Variants in GFRA1 observed in about 807,000 individuals in gnomAD.
GFRA1 encodes GDNF family receptor alpha-1.
Under a neutral mutation model 51.6 loss-of-function variants are expected in GFRA1, and 16 were observed. That is an observed-to-expected ratio of 0.31 (90% CI 0.21 to 0.47). The LOEUF is 0.47. Among genes scored for constraint, GFRA1 ranks in the 20% least tolerant of loss-of-function variants. The pLI, the probability that GFRA1 is intolerant of heterozygous loss-of-function variation, is 1.00. For missense variants in GFRA1, 530 were observed against 594.3 expected (o/e 0.89, Z 1.13); for synonymous variants, 270 against 241.3 (o/e 1.12, Z -1.10).
At position 116,065,766 on chromosome 10, in the gene GFRA1, T is replaced by C. The variant is rs562892009; in HGVS notation, c.1198-140A>G. 4.5e-5 allele frequency: 30 copies of C among 672,872 alleles called. No individual in the cohort carries two copies. In the Admixed American group the frequency reaches 5.1e-4, roughly 11 times the overall value. 41.7% of individuals were successfully genotyped at this position (672,872 alleles called of 1,614,324 possible). A position where few individuals can be genotyped will look rare whatever the true frequency, so the allele number is the denominator to read the frequency against. Reference sequence around the variant, plus strand: ...GTGAGCTCCATATATAATTGAACATTTTCTAGTAGCCATGTAATAAAGAGA... The same window carrying C: ...GTGAGCTCCATATATAATTGAACATCTTCTAGTAGCCATGTAATAAAGAGA... On this transcript the variant is annotated intron_variant, in intron 9 of 10. Transcript: ENST00000355422.
chr10:116,249,753 T>A (rs1280557056), intron 4 of GFRA1, among the ~76,000 whole-genome samples: 2 of 152,182 alleles, frequency 1.3e-5, no homozygotes, highest in African/African-American at 4.8e-5. Context: ...CAGCACCTAC[T>A]ACATAGTTTT....
chr10:116,132,403 GTA>G (rs3837363), intron 5 of GFRA1, among the ~76,000 whole-genome samples: 55,432 of 151,874 alleles, frequency 0.36, 10,336 homozygotes, highest in East Asian at 0.4. Flanking sequence ...CAGGTGCTGA[GTA>G]TATATGCATT....
At chr10:116,262,737 G>C (rs1021724345) in intron 4 of GFRA1, among the ~76,000 whole-genome samples, 1 of 152,170 alleles carries the variant, frequency 6.6e-6, no homozygotes, top group Non-Finnish European at 1.5e-5. Flanking sequence ...AAAAGTAGTG[G>C]TCTGTGAAAG....
At chr10:116,172,786 G>C (rs918541986) in intron 5 of GFRA1, among the ~76,000 whole-genome samples, 1 of 152,160 alleles carries the variant, frequency 6.6e-6, no homozygotes, top group Non-Finnish European at 1.5e-5. Context: ...TGGGGCAGTC[G>C]CCACCTGAGG....
In GFRA1 at chr10:116,059,115, T is replaced by A. The variant is rs1303024374; in HGVS notation, c.*5283A>T. On this transcript the variant is annotated 3_prime_UTR_variant, in exon 11 of 11. Transcript: ENST00000355422. Reference sequence around the variant, plus strand: ...CTCAGGAGGACACATTCAGGGTCAATACAGCTCAATGCCAGGAATACGATG... The same window carrying A: ...CTCAGGAGGACACATTCAGGGTCAAAACAGCTCAATGCCAGGAATACGATG... The A allele has an allele frequency of 6.6e-6, 1 of 152,222 alleles. No individual in the cohort carries two copies. Among genetic ancestry groups the A allele is most frequent in the Non-Finnish European group, 1.5e-5 (1 of 68,064 alleles). The allele number at this position is 152,222 out of a possible 1,614,324, so 9.4% of individuals were successfully genotyped here.
In GFRA1 at chr10:116,272,105, G is replaced by A; in HGVS notation, c.-76C>T. On this transcript the variant is annotated 5_prime_UTR_variant, in exon 2 of 11. Coordinates refer to ENST00000355422, the MANE Select transcript of GFRA1 (RefSeq NM_005264.8). The surrounding 1 kb of genome is among the most constrained non-coding windows in gnomAD (Gnocchi z 4.4). ...CGCTGGGTCTTGCCGAGGGAGCTCA[G>A]CGTGCAGCGATCCCCGGACAGCTGT... is the stretch of plus-strand genomic sequence containing the variant. The A allele has an allele frequency of 7.9e-7, 1 of 1,272,600 alleles. No homozygotes were observed. The highest frequency in any genetic ancestry group is 1.1e-6 in the Non-Finnish European group (1 of 895,032). 78.8% of individuals were successfully genotyped at this position (1,272,600 alleles called of 1,614,324 possible).
chr10:116,152,778 G>T (rs751974291), intron 5 of GFRA1, among the ~76,000 whole-genome samples: 1 of 152,196 alleles, frequency 6.6e-6, no homozygotes, highest in Non-Finnish European at 1.5e-5. Context: ...ACACACATTT[G>T]TGACCATGAT....
intron 4 of GFRA1, among the ~76,000 whole-genome samples, chr10:116,269,143 C>T (rs1969894214): frequency 6.6e-6 from 1 of 151,990 alleles, no homozygotes; most frequent in Admixed American, 6.6e-5. Flanking sequence ...CAGGGAGGCA[C>T]TATGTAAGGT....
intron 4 of GFRA1, among the ~76,000 whole-genome samples, chr10:116,238,109 T>A (rs1967047260): frequency 6.6e-6 from 1 of 152,180 alleles, no homozygotes; most frequent in Non-Finnish European, 1.5e-5. Flanking sequence ...TTACGCTCAG[T>A]CTTCCAATAA....
chr10:116,253,467 G>A (rs1968557784), intron 4 of GFRA1, among the ~76,000 whole-genome samples: 1 of 152,168 alleles, frequency 6.6e-6, no homozygotes, highest in Admixed American at 6.5e-5. Flanking sequence ...AATTAGCCAG[G>A]TGTTGGGGTG....
At chr10:116,208,548 G>A (rs946125443) in intron 5 of GFRA1, among the ~76,000 whole-genome samples, 2 of 152,202 alleles carry the variant, frequency 1.3e-5, no homozygotes, top group African/African-American at 4.8e-5. Flanking sequence ...AAGAACAAGG[G>A]AGGAGGAAAG....
intron 8 of GFRA1, 48 bp from the exon 9 acceptor site, chr10:116,089,970 G>GT (rs750933764): frequency 1.3e-6 from 2 of 1,509,432 alleles, no homozygotes; most frequent in South Asian, 1.2e-5. Flanking sequence ...AGCAGCAAAC[G>GT]TAACAGACAG....
intron 4 of GFRA1, among the ~76,000 whole-genome samples, chr10:116,262,510 T>C (rs753500573): frequency 1.7e-3 from 233 of 133,618 alleles, no homozygotes; most frequent in Non-Finnish European, 3.2e-3. Context: ...TAAAAAAAAA[T>C]ATATGTATAC....
chr10:116,106,711 G>A lies in GFRA1; in HGVS notation c.771-9947C>T, dbSNP rs79326428. Among the ~76,000 whole-genome samples, 486 of 151,086 alleles carry A rather than the reference G, an allele frequency of 3.2e-3. 3 individuals carry two copies. Among genetic ancestry groups the A allele is most frequent in the African/African-American group, 0.011 (453 of 41,090 alleles). ...TTCGGACTCTCAAAGGAATTATCTC[G>A]TTCCTGTCTTCCATCTTTCACCACT... is the stretch of plus-strand genomic sequence containing the variant. On this transcript the variant is annotated intron_variant, in intron 6 of 10. Transcript: ENST00000355422.
chr10:116,093,302 C>T (rs1307560250), intron 8 of GFRA1, among the ~76,000 whole-genome samples: 1 of 152,210 alleles, frequency 6.6e-6, no homozygotes, highest in Non-Finnish European at 1.5e-5. Flanking sequence ...ATTGTATATT[C>T]CGCCCAGGTT....
At chr10:116,149,356 T>G (rs372603179) in intron 5 of GFRA1, among the ~76,000 whole-genome samples, 3 of 152,218 alleles carry the variant, frequency 2.0e-5, no homozygotes, top group East Asian at 1.9e-4. Flanking sequence ...ACAGGGATTT[T>G]TAGCCCCCCA....
rs1844026571 is a variant in GFRA1 at position 116,272,379 on chromosome 10, A to C, written c.-246-104T>G. 7 of 396,734 alleles carry C rather than the reference A, an allele frequency of 1.8e-5. No homozygotes were observed. The highest frequency in any genetic ancestry group is 2.5e-5 in the South Asian group (1 of 39,250). 24.6% of individuals were successfully genotyped at this position (396,734 alleles called of 1,614,324 possible). A position where few individuals can be genotyped will look rare whatever the true frequency, so the allele number is the denominator to read the frequency against. On this transcript the variant is annotated intron_variant, in intron 1 of 10. Transcript: ENST00000355422. The surrounding 1 kb of genome is among the most constrained non-coding windows in gnomAD (Gnocchi z 4.4). ...TTCCCGCCTTTGGGGAATTTCCAAC[A>C]CCGGGGTGAGGACCCACCCCCACCC... is the stretch of plus-strand genomic sequence containing the variant.
In GFRA1 at chr10:116,062,267, CAA is replaced by C; in HGVS notation, c.*2129_*2130del. The C allele has an allele frequency of 2.5e-6, 1 of 396,912 alleles. No individual in the cohort carries two copies. Among genetic ancestry groups the C allele is most frequent in the Non-Finnish European group, 4.4e-6 (1 of 225,454 alleles). 24.6% of individuals were successfully genotyped at this position (396,912 alleles called of 1,614,324 possible). A position where few individuals can be genotyped will look rare whatever the true frequency, so the allele number is the denominator to read the frequency against. Reference sequence around the variant, plus strand: ...ATACACAGAGATACCTTAATGAAAACAAAATACACTCTGTAAGAGATATGCGC... The same window carrying C: ...ATACACAGAGATACCTTAATGAAAACAATACACTCTGTAAGAGATATGCGC... On this transcript the variant is annotated 3_prime_UTR_variant, in exon 11 of 11. Coordinates refer to ENST00000355422, the MANE Select transcript of GFRA1 (RefSeq NM_005264.8).
chr10:116,101,962 C>T (rs1362504430), intron 6 of GFRA1, among the ~76,000 whole-genome samples: 2 of 152,178 alleles, frequency 1.3e-5, no homozygotes, highest in Non-Finnish European at 2.9e-5. Flanking sequence ...CACTTGTTTT[C>T]ATAGCATTAT....
Sources: gnomAD v4.1 joint callset for allele counts (sites outside exome capture counted in the v4.1 genomes callset) on GRCh38, gnomAD v4.1.1 for gene constraint, Gnocchi (gnomAD v3.1) non-coding constraint, MANE v1.5 for transcripts, NCBI Gene and HGNC (gene_info 2026-07-23, HGNC 2026-07-21) for gene names.